The following ANKS1B variants were observed in gnomAD, a reference collection of about 807,000 sequenced individuals.
ANKS1B encodes the protein ankyrin repeat and sterile alpha motif domain-containing protein 1B.
In ANKS1B, 36 loss-of-function variants were observed where a neutral mutation model predicts 148.3. That is an observed-to-expected ratio of 0.24 (90% CI 0.19 to 0.32). ANKS1B has a LOEUF of 0.32. Among genes scored for constraint, ANKS1B ranks in the 10% least tolerant of loss-of-function variants. The probability of loss-of-function intolerance (pLI) is 1.00; values close to 1 mark genes in which losing one functional copy is unlikely to be tolerated. For missense variants in ANKS1B, 1,157 were observed against 1,542.6 expected (o/e 0.75, Z 4.19); for synonymous variants, 542 against 560.8 (o/e 0.97, Z 0.47).
At chr12:99,307,676 CT>C (rs2082543898) in intron 12 of ANKS1B, among the ~76,000 whole-genome samples, 1 of 150,486 alleles carries the variant, frequency 6.6e-6, no homozygotes. Flanking sequence ...CTGCTTTGTG[CT>C]TTTTGATTCT....
intron 1 of ANKS1B, among the ~76,000 whole-genome samples, chr12:99,828,786 T>A (rs1364201401): frequency 6.6e-6 from 1 of 152,010 alleles, no homozygotes; most frequent in Admixed American, 6.6e-5. Context: ...AGTGGGCAGA[T>A]TACCTGGTCA....
chr12:99,913,998 T>C (rs1038633181), intron 1 of ANKS1B, among the ~76,000 whole-genome samples: 7 of 152,180 alleles, frequency 4.6e-5, no homozygotes. Context: ...CCCTGACTTG[T>C]CTGTGAGTTC....
chr12:98,806,523 A>C (rs940172614), intron 20 of ANKS1B, among the ~76,000 whole-genome samples: 1 of 152,210 alleles, frequency 6.6e-6, no homozygotes, highest in African/African-American at 2.4e-5. Context: ...CAAATTTCAG[A>C]GATGGGCTAC....
At chr12:99,254,771 T>C (rs543512021) in intron 12 of ANKS1B, among the ~76,000 whole-genome samples, 14 of 152,336 alleles carry the variant, frequency 9.2e-5, no homozygotes, top group Non-Finnish European at 1.9e-4. Flanking sequence ...TTCAGTTATG[T>C]AATTTTTCTC....
chr12:99,123,678 A>G (rs1184561431), intron 15 of ANKS1B, among the ~76,000 whole-genome samples: 7 of 152,190 alleles, frequency 4.6e-5, no homozygotes, highest in Admixed American at 4.6e-4. Flanking sequence ...AGAGTCCAAA[A>G]GCCGACGAAT....
intron 17 of ANKS1B, among the ~76,000 whole-genome samples, chr12:98,869,126 G>C (rs116200747): frequency 0.02 from 3,012 of 152,230 alleles, 105 homozygotes; most frequent in African/African-American, 0.068. Flanking sequence ...CCCCCGCCTT[G>C]TCTTGAGACA....
At chr12:99,798,298 A>G (rs190236175) in intron 4 of ANKS1B, among the ~76,000 whole-genome samples, 1 of 152,068 alleles carries the variant, frequency 6.6e-6, no homozygotes, top group Non-Finnish European at 1.5e-5. Context: ...AACTATTGTA[A>G]CAACTGGTAA....
intron 12 of ANKS1B, among the ~76,000 whole-genome samples, chr12:99,378,400 A>T (rs1470115887): frequency 6.6e-6 from 1 of 152,076 alleles, no homozygotes; most frequent in Non-Finnish European, 1.5e-5. Flanking sequence ...TCATGCCTGT[A>T]ATCCCAGCAC....
At chr12:98,944,399 C>T (rs2099841995) in intron 17 of ANKS1B, among the ~76,000 whole-genome samples, 1 of 151,840 alleles carries the variant, frequency 6.6e-6, no homozygotes, top group Non-Finnish European at 1.5e-5. Context: ...CTGAGGCCCT[C>T]ACCAGAAGCA....
At chr12:98,868,539 T>C (rs1430135501) in intron 17 of ANKS1B, among the ~76,000 whole-genome samples, 1 of 151,888 alleles carries the variant, frequency 6.6e-6, no homozygotes, top group Non-Finnish European at 1.5e-5. Context: ...TCCCAAGTTA[T>C]CTCAAAGGTT....
At chr12:99,497,598 A>G (rs530706000) in intron 10 of ANKS1B, among the ~76,000 whole-genome samples, 20 of 152,132 alleles carry the variant, frequency 1.3e-4, no homozygotes, top group African/African-American at 4.3e-4. Context: ...CTGGGTCTAA[A>G]TTTCCCTTAA....
chr12:99,717,703 C>T (rs575862626), intron 8 of ANKS1B, among the ~76,000 whole-genome samples: 19 of 152,256 alleles, frequency 1.2e-4, no homozygotes, highest in African/African-American at 3.4e-4. Flanking sequence ...TAGACCATCA[C>T]GGACGCCGAG....
intron 17 of ANKS1B, among the ~76,000 whole-genome samples, chr12:98,833,085 C>CATGGTAGAAGAGCTCTCA (rs2099333572): frequency 6.6e-6 from 1 of 152,142 alleles, no homozygotes; most frequent in African/African-American, 2.4e-5. Context: ...GCAAAGGGCA[C>CATGGTAGAAGAGCTCTCA]ATGGTAGAAG....
chr12:99,927,789 G>GA (rs145309070), intron 1 of ANKS1B, among the ~76,000 whole-genome samples: 2 of 151,062 alleles, frequency 1.3e-5, no homozygotes, highest in African/African-American at 2.4e-5. Context: ...CTCTTTAAAA[G>GA]AAAAAAAAGA....
At chr12:99,088,467 T>C (rs2052742315) in intron 15 of ANKS1B, among the ~76,000 whole-genome samples, 1 of 152,244 alleles carries the variant, frequency 6.6e-6, no homozygotes, top group African/African-American at 2.4e-5. Flanking sequence ...ATATAGATTG[T>C]ATATTTTGAA....
chr12:99,105,465 C>G (rs2058959757), intron 15 of ANKS1B, among the ~76,000 whole-genome samples: 1 of 152,094 alleles, frequency 6.6e-6, no homozygotes, highest in South Asian at 2.1e-4. Context: ...TGCAGACAAC[C>G]CAATGTCACA....
At chr12:99,313,583 T>C (rs1235449367) in intron 12 of ANKS1B, among the ~76,000 whole-genome samples, 2 of 152,300 alleles carry the variant, frequency 1.3e-5, no homozygotes, top group African/African-American at 2.4e-5. Flanking sequence ...TCAAATCAGC[T>C]TCCTTCCTGG....
At chr12:99,959,685 G>A (rs947909496) in intron 1 of ANKS1B, among the ~76,000 whole-genome samples, 3 of 151,970 alleles carry the variant, frequency 2.0e-5, no homozygotes, top group East Asian at 1.9e-4. Flanking sequence ...AAAGCATAAC[G>A]CTTGCTTCAT....
In ANKS1B at chr12:99,595,368, C is replaced by T. The variant is rs73383754; in HGVS notation, c.1272+59699G>A. On this transcript the variant is annotated intron_variant, in intron 9 of 26. Coordinates refer to ENST00000683438, the MANE Select transcript of ANKS1B (RefSeq NM_001352186.2). ...ACAAGCTTCAATGAGAATTTACTCT[C>T]GTGTTATTAGAAAATTGTGTGAAAA... is the stretch of plus-strand genomic sequence containing the variant. 5.4e-3 allele frequency among the ~76,000 whole-genome samples: 817 copies of T among 151,844 alleles called. 9 individuals are homozygous for T. The highest frequency in any genetic ancestry group is 0.019 in the African/African-American group (778 of 41,464).
Sources: gnomAD v4.1 joint callset for allele counts (sites outside exome capture counted in the v4.1 genomes callset) on GRCh38, gnomAD v4.1.1 for gene constraint, MANE v1.5 for transcripts, NCBI Gene and HGNC (gene_info 2026-07-23, HGNC 2026-07-21) for gene names.